NAALADL2: variants seen among roughly 807,000 people sequenced by gnomAD.
The protein encoded by NAALADL2 is inactive N-acetylated-alpha-linked acidic dipeptidase-like protein 2.
A neutral mutation model predicts 87.2 loss-of-function variants in NAALADL2; 76 were observed. That is an observed-to-expected ratio of 0.87 (90% CI 0.72 to 1.05). The LOEUF (loss-of-function observed/expected upper bound fraction) is 1.05. NAALADL2 is among the 50% of genes least tolerant of loss of function. The pLI, the probability that NAALADL2 is intolerant of heterozygous loss-of-function variation, is 0.00. For missense variants in NAALADL2, 1,089 were observed against 945.8 expected, an observed-to-expected ratio of 1.15 and a Z score of -1.99; for synonymous variants, 354 against 331.0, an observed-to-expected ratio of 1.07 and a Z score of -0.75.
At chr3:175,122,027 T>C (rs1726232287) in intron 2 of NAALADL2, among the ~76,000 whole-genome samples, 1 of 151,928 alleles carries the variant, frequency 6.6e-6, no homozygotes, top group South Asian at 2.1e-4. Flanking sequence ...AAAATAATTA[T>C]GCTGTCCTGA....
At chr3:175,230,411 TA>T (rs775118899) in intron 2 of NAALADL2, among the ~76,000 whole-genome samples, 1 of 151,880 alleles carries the variant, frequency 6.6e-6, no homozygotes, top group African/African-American at 2.4e-5. Context: ...ACATATGACC[TA>T]AAAAAGATTA....
intron 9 of NAALADL2, among the ~76,000 whole-genome samples, chr3:175,572,265 C>A (rs1164641136): frequency 2.0e-5 from 3 of 152,060 alleles, no homozygotes; most frequent in East Asian, 1.9e-4. Flanking sequence ...GTCACTCAAC[C>A]CTCTTTTTCT....
intron 11 of NAALADL2, among the ~76,000 whole-genome samples, chr3:175,698,323 T>TTATGTATGTGTATATATGTATGTGTACA (rs1738310879): frequency 1.5e-5 from 1 of 64,522 alleles, no homozygotes; most frequent in Non-Finnish European, 2.7e-5. Flanking sequence ...GTATGTGTAT[T>TTATGTATGTGTATATATGTATGTGTACA]TATGTATGTG....
chr3:174,559,509 G>A (rs1159310746), intron 2 of NAALADL2, among the ~76,000 whole-genome samples: 1 of 152,318 alleles, frequency 6.6e-6, no homozygotes, highest in East Asian at 1.9e-4. Context: ...GCAAGATGGA[G>A]TTGCTTTAGC....
At chr3:175,667,904 T>C (rs1053899799) in intron 11 of NAALADL2, among the ~76,000 whole-genome samples, 3 of 152,160 alleles carry the variant, frequency 2.0e-5, no homozygotes, top group Admixed American at 1.3e-4. Context: ...TATTCAAAGA[T>C]GTTTCGTACT....
intron 4 of NAALADL2, among the ~76,000 whole-genome samples, chr3:175,300,659 C>T (rs1756943227): frequency 6.6e-6 from 1 of 151,590 alleles, no homozygotes; most frequent in African/African-American, 2.4e-5. Context: ...TTTATTGTGT[C>T]TATTTGATTG....
At chr3:174,595,393 C>G (rs1247061023) in intron 2 of NAALADL2, among the ~76,000 whole-genome samples, 2 of 152,162 alleles carry the variant, frequency 1.3e-5, no homozygotes, top group African/African-American at 4.8e-5. Context: ...TACTGAATCT[C>G]TACTGTGTCA....
At chr3:174,649,162 C>T (rs1724104240) in intron 2 of NAALADL2, among the ~76,000 whole-genome samples, 1 of 151,840 alleles carries the variant, frequency 6.6e-6, no homozygotes, top group Non-Finnish European at 1.5e-5. Context: ...TGGGGTTTCA[C>T]CATGTTGGCC....
chr3:175,269,848 G>T (rs1029594880), intron 4 of NAALADL2, among the ~76,000 whole-genome samples: 1 of 152,086 alleles, frequency 6.6e-6, no homozygotes. Context: ...GCACCATTGT[G>T]CCTTCAATCA....
chr3:175,392,309 T>G (rs1769180375), intron 5 of NAALADL2, among the ~76,000 whole-genome samples: 1 of 152,236 alleles, frequency 6.6e-6, no homozygotes, highest in Middle Eastern at 3.2e-3. Context: ...CTACAAATTT[T>G]TTTTGTAAAC....
In NAALADL2 at chr3:175,485,765, A is replaced by G. The variant is rs1727174162; in HGVS notation, c.1653+14007A>G. ...CTGGCTCTCCCAGTCCACTGACTCA[A>G]ATGTTAATCTCCTTTGGCAACACCC... is the stretch of plus-strand genomic sequence containing the variant. On this transcript the variant is annotated intron_variant, in intron 9 of 13. Coordinates refer to ENST00000454872, the MANE Select transcript of NAALADL2 (RefSeq NM_207015.3). 2.0e-5 allele frequency among the ~76,000 whole-genome samples: 3 copies of G among 152,188 alleles called. No homozygotes were observed. The South Asian group carries it at 6.2e-4, about 32-fold the overall frequency.
intron 3 of NAALADL2, among the ~76,000 whole-genome samples, chr3:174,824,241 T>A (rs2109342300): frequency 6.6e-6 from 1 of 152,308 alleles, no homozygotes; most frequent in Admixed American, 6.5e-5. Flanking sequence ...AAATTTAACA[T>A]TTTAATTTAT....
At chr3:175,520,418 C>T (rs1219966024) in intron 9 of NAALADL2, among the ~76,000 whole-genome samples, 1 of 151,412 alleles carries the variant, frequency 6.6e-6, no homozygotes, top group African/African-American at 2.4e-5. Context: ...CCTGCCTCAG[C>T]CTCCCGAGTA....
intron 10 of NAALADL2, among the ~76,000 whole-genome samples, chr3:175,578,527 C>A (rs1719252855): frequency 6.6e-6 from 1 of 152,054 alleles, no homozygotes; most frequent in Non-Finnish European, 1.5e-5. Flanking sequence ...CATTTTATAC[C>A]CCTTATATCA....
At chr3:174,700,229 GT>G (rs71624290) in intron 2 of NAALADL2, among the ~76,000 whole-genome samples, 26,721 of 140,314 alleles carry the variant, frequency 0.19, 3,505 homozygotes, top group East Asian at 0.48. Flanking sequence ...TTTTGCCACA[GT>G]TTTTTTTTTT....
intron 8 of NAALADL2, among the ~76,000 whole-genome samples, chr3:175,468,927 C>A (rs1166646476): frequency 6.6e-6 from 1 of 151,750 alleles, no homozygotes; most frequent in African/African-American, 2.4e-5. Flanking sequence ...GGTCATTGTA[C>A]CTTTTGATAA....
chr3:175,690,266 G>A (rs1448755616), intron 11 of NAALADL2, among the ~76,000 whole-genome samples: 2 of 151,968 alleles, frequency 1.3e-5, no homozygotes, highest in African/African-American at 4.8e-5. Context: ...CCTTTAGAGA[G>A]ATAAAAAGGC....
intron 1 of NAALADL2, among the ~76,000 whole-genome samples, chr3:175,022,275 C>T (rs1751660343): frequency 6.6e-6 from 1 of 151,964 alleles, no homozygotes; most frequent in South Asian, 2.1e-4. Context: ...ACAAAATGGA[C>T]TAATCATAGG....
At chr3:175,802,335 G>GA (rs1176744000) in intron 13 of NAALADL2, among the ~76,000 whole-genome samples, 1 of 149,968 alleles carries the variant, frequency 6.7e-6, no homozygotes, top group Non-Finnish European at 1.5e-5. Context: ...TTTTGGGGGG[G>GA]GACAATTTTG....
Sources: gnomAD v4.1 joint callset for allele counts (sites outside exome capture counted in the v4.1 genomes callset) on GRCh38, gnomAD v4.1.1 for gene constraint, MANE v1.5 for transcripts, NCBI Gene and HGNC (gene_info 2026-07-23, HGNC 2026-07-21) for gene names.